The following DCDC2 variants were observed in gnomAD, a reference collection of about 807,000 sequenced individuals.
The protein encoded by DCDC2 is doublecortin domain-containing protein 2.
In DCDC2, 40 loss-of-function variants were observed where a neutral mutation model predicts 50.2. The observed-to-expected ratio is 0.80, with a 90% confidence interval of 0.62 to 1.04. The LOEUF (loss-of-function observed/expected upper bound fraction) is 1.04, where lower values mean the gene tolerates loss of function less well. Ranked by LOEUF, DCDC2 falls within the 50% of genes least tolerant of loss-of-function variation. The pLI is 0.00. For synonymous variants in DCDC2, 234 were observed against 210.6 expected (o/e 1.11, Z -0.96); for missense variants, 570 against 581.9 (o/e 0.98, Z 0.21).
chr6:24,357,924 G>A lies in DCDC2; in HGVS notation c.-174C>T. The stretch of plus-strand genomic sequence containing the variant: ...CGTGCGCCTAGGCGTCCACCCAGAG[G>A]AGACACTAGGAGCTTGCAGGACTCG... On this transcript the variant is annotated 5_prime_UTR_variant, in exon 1 of 10. Transcript: ENST00000378454. 6.6e-7 allele frequency: 1 copy of A among 1,515,484 alleles called. No homozygotes were observed. Among genetic ancestry groups the A allele is most frequent in the East Asian group, 2.3e-5 (1 of 43,930 alleles). The allele number at this position is 1,515,484 out of a possible 1,614,324, so 93.9% of individuals were successfully genotyped here.
the DCDC2 span, among the ~76,000 whole-genome samples, chr6:24,379,023 T>C: frequency 1.7e-4 from 26 of 150,466 alleles, no homozygotes; most frequent in East Asian, 5.8e-4. Context: ...ATCCCTTCCT[T>C]ACACCATACA....
At chr6:24,294,510 C>G (rs1763818550) in intron 4 of DCDC2, among the ~76,000 whole-genome samples, 1 of 151,862 alleles carries the variant, frequency 6.6e-6, no homozygotes, top group East Asian at 1.9e-4. Flanking sequence ...AAAAACTATT[C>G]AAAAGATCAA....
intron 7 of DCDC2, among the ~76,000 whole-genome samples, chr6:24,267,668 A>C (rs1763153815): frequency 6.6e-6 from 1 of 152,216 alleles, no homozygotes; most frequent in Admixed American, 6.5e-5. Flanking sequence ...CAGAAAAGAC[A>C]CAAAAGCAAT....
chr6:24,306,501 GATAGA>G (rs1759475665), intron 2 of DCDC2, among the ~76,000 whole-genome samples: 6 of 86,034 alleles, frequency 7.0e-5, no homozygotes, highest in African/African-American at 3.0e-4. Flanking sequence ...AGATTAGATA[GATAGA>G]TAGATAGATA....
chr6:24,206,796 A>T (rs1006050483), intron 7 of DCDC2, among the ~76,000 whole-genome samples: 1 of 152,258 alleles, frequency 6.6e-6, no homozygotes, highest in African/African-American at 2.4e-5. Context: ...TATAAACAGC[A>T]AAGAGACAAA....
chr6:24,284,139 C>T (rs902360970), intron 6 of DCDC2, among the ~76,000 whole-genome samples: 1 of 152,144 alleles, frequency 6.6e-6, no homozygotes, highest in Admixed American at 6.5e-5. Context: ...GTTGGATCAG[C>T]GAATCAGTCA....
At chr6:24,337,434 G>A (rs1009124417) in intron 2 of DCDC2, among the ~76,000 whole-genome samples, 3 of 151,870 alleles carry the variant, frequency 2.0e-5, no homozygotes, top group East Asian at 1.9e-4. Flanking sequence ...AAAAAAAAAT[G>A]TCAATTGAGA....
At chr6:24,349,186 C>T (rs1277022431) in intron 2 of DCDC2, among the ~76,000 whole-genome samples, 1 of 152,190 alleles carries the variant, frequency 6.6e-6, no homozygotes, top group Non-Finnish European at 1.5e-5. Context: ...CCACAAATGG[C>T]TTTGCTGCAA....
intron 7 of DCDC2, among the ~76,000 whole-genome samples, chr6:24,268,353 G>C (rs2113811527): frequency 6.6e-6 from 1 of 152,232 alleles, no homozygotes; most frequent in East Asian, 1.9e-4. Flanking sequence ...TGGATGTGGT[G>C]GCGCATGCCT....
At position 24,302,304 on chromosome 6, in the gene DCDC2, A is replaced by AC. The variant is rs554959158; in HGVS notation, c.349-261_349-260insG. On this transcript the variant is annotated intron_variant, in intron 2 of 9. Transcript: ENST00000378454. ...TGCTCATGATCTGTGGAAAAAAAAA[A>AC]AAAACAGAAATCATTTTCTGTTACG... Among the ~76,000 whole-genome samples, 12,086 of 151,432 alleles carry AC rather than the reference A, an allele frequency of 0.08. 564 individuals are homozygous for AC. Among genetic ancestry groups the AC allele is most frequent in the Middle Eastern group, 0.12 (35 of 294 alleles).
chr6:24,323,103 G>C (rs565722971), intron 2 of DCDC2, among the ~76,000 whole-genome samples: 1 of 152,192 alleles, frequency 6.6e-6, no homozygotes, highest in Non-Finnish European at 1.5e-5. Context: ...CTAACACTTC[G>C]GGAGGCCGAG....
At position 24,174,666 on chromosome 6, in the gene DCDC2, A is replaced by G; in HGVS notation, c.*64T>C. Reference sequence around the variant, plus strand: ...TATATTCAGCAATAACTATGTGCTTATCTTTCAAGTATGATAACCCTTCAT... The same window carrying G: ...TATATTCAGCAATAACTATGTGCTTGTCTTTCAAGTATGATAACCCTTCAT... On this transcript the variant is annotated 3_prime_UTR_variant, in exon 10 of 10. Coordinates refer to ENST00000378454, the MANE Select transcript of DCDC2 (RefSeq NM_016356.5). The G allele has an allele frequency of 8.9e-7, 1 of 1,127,464 alleles. No homozygotes were observed. The highest frequency in any genetic ancestry group is 1.3e-6 in the Non-Finnish European group (1 of 751,590). The allele number at this position is 1,127,464 out of a possible 1,614,324, so 69.8% of individuals were successfully genotyped here.
At chr6:24,259,206 A>G (rs868422334) in intron 7 of DCDC2, among the ~76,000 whole-genome samples, 63 of 152,176 alleles carry the variant, frequency 4.1e-4, no homozygotes, top group African/African-American at 1.5e-3. Flanking sequence ...GATGTACGTG[A>G]CAAATCAAGG....
At chr6:24,179,714 G>T (rs923350648) in intron 8 of DCDC2, among the ~76,000 whole-genome samples, 5 of 148,068 alleles carry the variant, frequency 3.4e-5, no homozygotes, top group African/African-American at 1.2e-4. Context: ...CAGCACTTTG[G>T]GAGGCCGAGG....
chr6:24,217,933 G>A (rs1048854382), intron 7 of DCDC2, among the ~76,000 whole-genome samples: 1 of 152,266 alleles, frequency 6.6e-6, no homozygotes, highest in Non-Finnish European at 1.5e-5. Context: ...AGGAACTGCT[G>A]CCAATAAAAG....
intron 7 of DCDC2, among the ~76,000 whole-genome samples, chr6:24,260,690 A>C (rs1420704624): frequency 6.6e-6 from 1 of 152,262 alleles, no homozygotes; most frequent in African/African-American, 2.4e-5. Flanking sequence ...TCTAAAAGTT[A>C]TAGAGTGCTG....
At chr6:24,362,491 TG>T (rs1272613653), upstream of DCDC2, among the ~76,000 whole-genome samples, 1 of 112,706 alleles carries the variant, frequency 8.9e-6, no homozygotes, top group Admixed American at 8.4e-5. Flanking sequence ...TTTATTTAAT[TG>T]TATATTTATA....
intron 7 of DCDC2, among the ~76,000 whole-genome samples, chr6:24,277,679 CTAAT>C (rs1298803701): frequency 6.6e-6 from 1 of 152,052 alleles, no homozygotes; most frequent in Non-Finnish European, 1.5e-5. Flanking sequence ...TGATCTTTGA[CTAAT>C]AAATCATAAT....
Position 24,202,286 on chromosome 6 carries a change from G to C in DCDC2, c.1023+2716C>G, listed in dbSNP as rs954950868. Among the ~76,000 whole-genome samples, 6 of 152,266 alleles carry C rather than the reference G, an allele frequency of 3.9e-5. No homozygotes were observed. The East Asian group carries it at 1.2e-3, about 29-fold the overall frequency. ...GCACATCAAAAAGCTTATCAGCCAC[G>C]ATCAAGTCGGCTTCATCCCTGGGAT... On this transcript the variant is annotated intron_variant, in intron 8 of 9. Transcript: ENST00000378454.
Sources: allele counts gnomAD v4.1 joint callset (sites outside exome capture counted in the v4.1 genomes callset), GRCh38; gene constraint gnomAD v4.1.1; transcripts MANE v1.5; gene names NCBI Gene and HGNC (gene_info 2026-07-23, HGNC 2026-07-21).